DSE: variants seen among roughly 807,000 people sequenced by gnomAD.
The protein encoded by DSE is dermatan-sulfate epimerase.
Under a neutral mutation model 84.4 loss-of-function variants are expected in DSE, and 36 were observed. That is an observed-to-expected ratio of 0.43 (90% CI 0.33 to 0.56). The LOEUF (loss-of-function observed/expected upper bound fraction) is 0.56. DSE is among the 20% of genes least tolerant of loss of function. The pLI is 0.06. For synonymous variants in DSE, 410 were observed against 430.1 expected, an observed-to-expected ratio of 0.95 and a Z score of 0.58; for missense variants, 862 against 1,169.6, an observed-to-expected ratio of 0.74 and a Z score of 3.84.
At chr6:116,280,138 G>C in intron 2 of DSE, 3 of 457,272 alleles carry the variant, frequency 6.6e-6, no homozygotes. Context: ...CCCACCTTGA[G>C]ATGCATCTAG....
chr6:116,314,213 T>C (rs1775847444), intron 2 of DSE, among the ~76,000 whole-genome samples: 1 of 152,228 alleles, frequency 6.6e-6, no homozygotes, highest in Non-Finnish European at 1.5e-5. Flanking sequence ...GGCAGGACTA[T>C]AAATAGAGAA....
chr6:116,287,764 T>A (rs1231542204), intron 2 of DSE, among the ~76,000 whole-genome samples: 1 of 152,102 alleles, frequency 6.6e-6, no homozygotes, highest in East Asian at 1.9e-4. Context: ...TTTTTGTAAT[T>A]ACTAAAATTC....
Position 116,436,537 on chromosome 6 carries a change from G to A in DSE, c.2069G>A (p.Ser690Asn). The change falls in exon 6 of 6, where the codon AGC becomes AAC. Residue 690 changes from serine to asparagine, a missense_variant. Physicochemically the swap from Ser to Asn is conservative, Grantham distance 46. Transcript: ENST00000644252. ...CAACTGGATGTGTTCATAGCCACCA[G>A]CAAACATGCCTACGCCACATACCTG... ...SQQLDVFIAT[S>N]KHAYATYLWT... is the part of the protein sequence containing the mutation. 1.2e-6 allele frequency: 2 copies of A among 1,614,156 alleles called. No individual in the cohort carries two copies. The highest frequency in any genetic ancestry group is 1.7e-6 in the Non-Finnish European group (2 of 1,180,006).
chr6:116,344,032 T>TATC (rs1403412555), intron 2 of DSE, among the ~76,000 whole-genome samples: 1 of 152,142 alleles, frequency 6.6e-6, no homozygotes, highest in Non-Finnish European at 1.5e-5. Flanking sequence ...GAAGAAAGGG[T>TATC]ATCAGTGATT....
At position 116,441,642 on chromosome 6, in the gene DSE, G is replaced by C. The variant is rs1041397537; in HGVS notation, c.*4297G>C. 5 of 152,176 alleles carry C rather than the reference G, an allele frequency of 3.3e-5. No homozygotes were observed. Among genetic ancestry groups the C allele is most frequent in the Non-Finnish European group, 7.3e-5 (5 of 68,028 alleles). The allele number at this position is 152,176 out of a possible 1,614,324, so 9.4% of individuals were successfully genotyped here. On this transcript the variant is annotated 3_prime_UTR_variant, in exon 6 of 6. Coordinates refer to ENST00000644252, the MANE Select transcript of DSE (RefSeq NM_013352.4). ...AGGAGGCCATAATTTTAAATGTGGT[G>C]ATCAGGTTAGGCTTTATTGATGTCT... is the stretch of plus-strand genomic sequence containing the variant.
intron 5 of DSE, among the ~76,000 whole-genome samples, chr6:116,435,076 T>A (rs1356146831): frequency 1.3e-5 from 2 of 152,140 alleles, no homozygotes; most frequent in Non-Finnish European, 2.9e-5. Context: ...TATGTGAAGT[T>A]CTCCTCTATT....
chr6:116,267,508 G>A (rs1472615013), intron 2 of DSE, among the ~76,000 whole-genome samples: 1 of 151,960 alleles, frequency 6.6e-6, no homozygotes, highest in Non-Finnish European at 1.5e-5. Flanking sequence ...TTGTACAGCT[G>A]TACAATATTT....
intron 2 of DSE, among the ~76,000 whole-genome samples, chr6:116,318,014 T>C (rs574020965): frequency 2.7e-4 from 41 of 152,354 alleles, no homozygotes; most frequent in African/African-American, 9.4e-4. Flanking sequence ...CCTCAAATAG[T>C]ATAAAAATAG....
chr6:116,266,145 T>C (rs1328202954), intron 2 of DSE, among the ~76,000 whole-genome samples: 8 of 152,198 alleles, frequency 5.3e-5, no homozygotes, highest in Non-Finnish European at 2.9e-5. Context: ...TTTTCCACAC[T>C]TTAACATCTC....
intron 2 of DSE, among the ~76,000 whole-genome samples, chr6:116,409,479 C>T (rs1424110822): frequency 1.3e-5 from 2 of 152,102 alleles, no homozygotes; most frequent in South Asian, 2.1e-4. Flanking sequence ...CGGGGTTTCA[C>T]CATGTTAGCC....
intron 2 of DSE, among the ~76,000 whole-genome samples, chr6:116,338,479 C>T (rs942931620): frequency 2.0e-5 from 3 of 152,100 alleles, no homozygotes; most frequent in East Asian, 1.9e-4. Flanking sequence ...CCGCCTCAGC[C>T]TCCCAAAGTG....
At chr6:116,321,469 C>A (rs1489681896) in intron 2 of DSE, among the ~76,000 whole-genome samples, 3 of 151,908 alleles carry the variant, frequency 2.0e-5, no homozygotes. Context: ...AGCTACTGCA[C>A]CCAGCCCACA....
intron 1 of DSE, among the ~76,000 whole-genome samples, chr6:116,391,541 C>T (rs1013491661): frequency 9.9e-5 from 15 of 151,750 alleles, no homozygotes; most frequent in Admixed American, 9.8e-4. Context: ...CTGAGGCGGG[C>T]GGATCACGAG....
intron 2 of DSE, among the ~76,000 whole-genome samples, chr6:116,406,031 A>G (rs755511215): frequency 3.3e-5 from 5 of 152,248 alleles, no homozygotes; most frequent in African/African-American, 9.6e-5. Flanking sequence ...TAAAAATGTT[A>G]TGACAGTTAT....
At chr6:116,319,854 A>G (rs1478300340) in intron 2 of DSE, among the ~76,000 whole-genome samples, 1 of 152,128 alleles carries the variant, frequency 6.6e-6, no homozygotes, top group Non-Finnish European at 1.5e-5. Context: ...CCTCCTGTTT[A>G]CACATCTTTG....
chr6:116,410,319 C>G (rs1330455835), intron 2 of DSE, among the ~76,000 whole-genome samples: 3 of 152,318 alleles, frequency 2.0e-5, no homozygotes, highest in East Asian at 3.9e-4. Context: ...AAAGACTACC[C>G]TGATGCCCCA....
At chr6:116,415,549 T>C (rs1782646873) in intron 2 of DSE, among the ~76,000 whole-genome samples, 1 of 151,760 alleles carries the variant, frequency 6.6e-6, no homozygotes, top group African/African-American at 2.4e-5. Flanking sequence ...TTTCTTTCTT[T>C]TTTTTTTCCT....
At chr6:116,417,561 T>C (rs1262345519) in intron 2 of DSE, among the ~76,000 whole-genome samples, 1 of 152,178 alleles carries the variant, frequency 6.6e-6, no homozygotes, top group African/African-American at 2.4e-5. Flanking sequence ...AATTTAATAT[T>C]TGGGATATTG....
chr6:116,435,127 T>C (rs749608773), intron 5 of DSE, among the ~76,000 whole-genome samples: 10 of 152,226 alleles, frequency 6.6e-5, no homozygotes, highest in Admixed American at 3.3e-4. Flanking sequence ...GAGGGAGAAC[T>C]CTTTTCAATA....
Sources: gnomAD v4.1 joint callset for allele counts (sites outside exome capture counted in the v4.1 genomes callset) on GRCh38, gnomAD v4.1.1 for gene constraint, MANE v1.5 for transcripts, NCBI Gene and HGNC (gene_info 2026-07-23, HGNC 2026-07-21) for gene names.